KDM1A: variants seen among roughly 807,000 people sequenced by gnomAD.
The protein encoded by KDM1A is lysine-specific histone demethylase 1A.
KDM1A carries 49 observed loss-of-function variants against 109.4 expected under a neutral mutation model. That is an observed-to-expected ratio of 0.45 (90% CI 0.36 to 0.57). The LOEUF is 0.57. Ranked by LOEUF, KDM1A falls within the 20% of genes least tolerant of loss-of-function variation. The pLI is 0.00. For synonymous variants in KDM1A, 380 were observed against 415.4 expected (o/e 0.91, Z 1.04); for missense variants, 668 against 1,116.6 (o/e 0.60, Z 5.73).
chr1:23,047,938 C>T (rs1367751968), intron 3 of KDM1A, among the ~76,000 whole-genome samples: 5 of 151,840 alleles, frequency 3.3e-5, no homozygotes, highest in African/African-American at 4.8e-5. Flanking sequence ...TAGTGAGCAG[C>T]CAAATGTACT....
At position 23,082,243 on chromosome 1, in the gene KDM1A, T is replaced by G; in HGVS notation, c.2322T>G (p.Arg774=). The G allele has an allele frequency of 6.2e-7, 1 of 1,613,866 alleles. No individual in the cohort carries two copies. Among genetic ancestry groups the G allele is most frequent in the Non-Finnish European group, 8.5e-7 (1 of 1,179,962 alleles). The change falls in exon 20 of 21, where the codon CGT becomes CGG. Residue 774 remains arginine, a synonymous_variant. Transcript: ENST00000400181. ...VPQPKETVVS[R]WRADPWARGS... The stretch of plus-strand genomic sequence containing the variant: ...AGCCCAAAGAAACTGTGGTGTCTCG[T>G]TGGCGTGCTGATCCCTGGGCTCGGG...
Position 23,068,529 on chromosome 1 carries a change from G to A in KDM1A, c.1180-10G>A, listed in dbSNP as rs1643220343. 1 of 1,565,112 alleles carries A rather than the reference G, an allele frequency of 6.4e-7. No individual in the cohort carries two copies. ...ATAAGGACCAACTCTGCTATACTTCGGATTTTCAGGTTCCTAAAGAGAAAG... is the reference window on the plus strand; with the variant it reads ...ATAAGGACCAACTCTGCTATACTTCAGATTTTCAGGTTCCTAAAGAGAAAG... On this transcript the variant is annotated splice_polypyrimidine_tract_variant and intron_variant, in intron 10 of 20. Coordinates refer to ENST00000400181, the MANE Select transcript of KDM1A (RefSeq NM_001009999.3).
At chr1:23,076,655 G>C (rs476033) in intron 15 of KDM1A, among the ~76,000 whole-genome samples, 1 of 152,004 alleles carries the variant, frequency 6.6e-6, no homozygotes, top group Non-Finnish European at 1.5e-5. Context: ...GGACTTAGTG[G>C]TATTGGACTG....
intron 15 of KDM1A, among the ~76,000 whole-genome samples, chr1:23,075,499 A>T (rs1643437555): frequency 2.6e-5 from 4 of 151,754 alleles, no homozygotes; most frequent in African/African-American, 9.7e-5. Flanking sequence ...TGAACCCAGG[A>T]GGCAGAGGCT....
chr1:23,068,448 T>TTATA, intron 10 of KDM1A, 91 bp from the exon 11 acceptor site: 1 of 1,065,960 alleles, frequency 9.4e-7, no homozygotes, highest in Middle Eastern at 2.2e-4. Flanking sequence ...ATACATATTT[T>TTATA]GACCTTTATA....
At chr1:23,074,782 T>A (rs923812160) in intron 15 of KDM1A, among the ~76,000 whole-genome samples, 1 of 152,200 alleles carries the variant, frequency 6.6e-6, no homozygotes, top group Non-Finnish European at 1.5e-5. Context: ...GTTATGTAAT[T>A]ATTATTCCAG....
chr1:23,038,120 T>A (rs1317245478), intron 2 of KDM1A, among the ~76,000 whole-genome samples: 6 of 152,134 alleles, frequency 3.9e-5, no homozygotes, highest in Non-Finnish European at 5.9e-5. Flanking sequence ...GTGTTTTATT[T>A]AGGAAAAAAA....
rs762638667 is a variant in KDM1A at position 23,055,136 on chromosome 1, C to G, written c.858C>G (p.Ile286Met). 6.2e-7 allele frequency: 1 copy of G among 1,610,938 alleles called. No individual in the cohort carries two copies. Among genetic ancestry groups the G allele is most frequent in the South Asian group, 1.1e-5 (1 of 90,552 alleles). Residue 286 changes from isoleucine (I) to methionine (M), a missense_variant, in exon 6 of 21, where the codon ATC becomes ATG. Ile to Met is a conservative substitution (Grantham distance 10). Around this residue, in one of 8 missense-constraint regions of KDM1A, gnomAD observed 149 missense variants for 189.7 expected, o/e 0.79. Coordinates refer to ENST00000400181, the MANE Select transcript of KDM1A (RefSeq NM_001009999.3). ...GTCATGGTCTTATCAACTTCGGCAT[C>G]TATAAGAGGATAAAACCCCTACCAA... Reference protein sequence around the residue: ...LERHGLINFGIYKRIKPLPTK... With the variant: ...LERHGLINFGMYKRIKPLPTK...
chr1:23,065,971 T>A (rs1354516713), intron 9 of KDM1A, 89 bp from the exon 10 acceptor site: 1 of 1,565,842 alleles, frequency 6.4e-7, no homozygotes, highest in Non-Finnish European at 8.6e-7. Flanking sequence ...AAAGCCTTGA[T>A]TTTATTGCTG....
At chr1:23,061,014 G>A (rs1442025652) in intron 9 of KDM1A, among the ~76,000 whole-genome samples, 5 of 152,164 alleles carry the variant, frequency 3.3e-5, no homozygotes, top group African/African-American at 1.2e-4. Flanking sequence ...ATGTAGAGCA[G>A]GTTGATTAAG....
At chr1:23,081,377 G>A in intron 18 of KDM1A, 69 bp from the exon 19 acceptor site, 3 of 1,572,260 alleles carry the variant, frequency 1.9e-6, no homozygotes, top group Non-Finnish European at 2.6e-6. Flanking sequence ...AATAAGGTGG[G>A]GCCTGATAAG....
intron 9 of KDM1A, among the ~76,000 whole-genome samples, chr1:23,064,247 G>T (rs1267332808): frequency 6.6e-6 from 1 of 152,214 alleles, no homozygotes; most frequent in Non-Finnish European, 1.5e-5. Flanking sequence ...GGGGATAATA[G>T]CTATATCTCA....
chr1:23,073,576 A>G (rs536894182), intron 15 of KDM1A, among the ~76,000 whole-genome samples, 173 bp downstream of exon 15: 20 of 152,364 alleles, frequency 1.3e-4, no homozygotes, highest in African/African-American at 4.3e-4. Flanking sequence ...GACTTCAGTC[A>G]TAAGCCCCCA....
chr1:23,082,046 T>TC (rs1424740354), intron 19 of KDM1A, 174 bp from the exon 20 acceptor site: 1 of 589,954 alleles, frequency 1.7e-6, no homozygotes, highest in African/African-American at 1.9e-5. Context: ...CTGTCTGAAG[T>TC]CCTTTTGTCC....
chr1:23,080,004 G>C (rs1643572029), intron 18 of KDM1A, among the ~76,000 whole-genome samples: 1 of 152,164 alleles, frequency 6.6e-6, no homozygotes, highest in South Asian at 2.1e-4. Context: ...TTCTCAGACT[G>C]ACTTGCCCCT....
At chr1:23,031,151 A>G (rs542725555) in intron 2 of KDM1A, among the ~76,000 whole-genome samples, 2 of 152,312 alleles carry the variant, frequency 1.3e-5, no homozygotes, top group East Asian at 1.9e-4. Flanking sequence ...CAGAAAATCT[A>G]GAAAGATTAT....
Position 23,019,935 on chromosome 1 carries a change from C to G in KDM1A, c.339C>G (p.Arg113=). 6.4e-7 allele frequency: 1 copy of G among 1,567,294 alleles called. No individual in the cohort carries two copies. Among genetic ancestry groups the G allele is most frequent in the South Asian group, 1.2e-5 (1 of 86,694 alleles). The change falls in exon 1 of 21, where the codon CGC becomes CGG. Residue 113 remains arginine (R), a synonymous_variant. Transcript: ENST00000400181. Reference sequence around the variant, plus strand: ...CGGAGGGGCGTCGGACCAGCCGGCGCAAGCGGGCGAAGGTAAGGCTCGACC... The same window carrying G: ...CGGAGGGGCGTCGGACCAGCCGGCGGAAGCGGGCGAAGGTAAGGCTCGACC... ...ETPEGRRTSR[R]KRAKVEYREM... is the part of the protein sequence containing the mutation.
At chr1:23,023,204 T>TA (rs1641694593) in intron 1 of KDM1A, among the ~76,000 whole-genome samples, 1 of 152,212 alleles carries the variant, frequency 6.6e-6, no homozygotes, top group African/African-American at 2.4e-5. Context: ...ATATTCTGGT[T>TA]ACGGAAATTT....
At chr1:23,059,273 G>GTATA (rs142186679) in intron 9 of KDM1A, 106 bp downstream of exon 9, 1 of 786,306 alleles carries the variant, frequency 1.3e-6, no homozygotes, top group Non-Finnish European at 2.3e-6. Flanking sequence ...ATATAGAGGT[G>GTATA]TATATATATA....
Sources: allele counts gnomAD v4.1 joint callset (sites outside exome capture counted in the v4.1 genomes callset), GRCh38; gene constraint gnomAD v4.1.1; regional missense constraint gnomAD v4.1.1; transcripts MANE v1.5; gene names NCBI Gene and HGNC (gene_info 2026-07-23, HGNC 2026-07-21).